ARHGEF9: variants seen among roughly 807,000 people sequenced by gnomAD.
ARHGEF9 encodes rho guanine nucleotide exchange factor 9.
Under a neutral mutation model 41.3 loss-of-function variants are expected in ARHGEF9, and 2 were observed. The observed-to-expected ratio is 0.05, with a 90% CI of 0.02 to 0.15. The LOEUF (loss-of-function observed/expected upper bound fraction) is 0.15, where lower values mean the gene tolerates loss of function less well. Among genes scored for constraint, ARHGEF9 ranks in the 10% least tolerant of loss-of-function variants. The pLI is 1.00. For missense variants in ARHGEF9, 225 were observed against 424.7 expected, an observed-to-expected ratio of 0.53 and a Z score of 4.13; for synonymous variants, 160 against 154.4, an observed-to-expected ratio of 1.04 and a Z score of -0.27.
intron 1 of ARHGEF9, among the ~76,000 whole-genome samples, chrX:63,730,854 C>A (rs140426951): frequency 0.037 from 4,087 of 111,679 alleles, 70 homozygotes; most frequent in Non-Finnish European, 0.061. Flanking sequence ...GCAGCATGCC[C>A]AATGTCAGGC....
intron 1 of ARHGEF9, among the ~76,000 whole-genome samples, chrX:63,782,036 G>T (rs1489584987): frequency 2.7e-5 from 3 of 111,601 alleles, no homozygotes; most frequent in African/African-American, 9.8e-5. Flanking sequence ...AACTTCCCAT[G>T]TGTCTCTATG....
intron 3 of ARHGEF9, among the ~76,000 whole-genome samples, chrX:63,705,902 T>G (rs1317184835): frequency 1.8e-5 from 2 of 111,496 alleles, no homozygotes; most frequent in Non-Finnish European, 3.8e-5. Context: ...TTTGCTTTAA[T>G]GAGTGAGGTT....
chrX:63,719,796 C>T, intron 2 of ARHGEF9: 1 of 296,231 alleles, frequency 3.4e-6, no homozygotes, highest in Middle Eastern at 8.8e-4. Context: ...ACCTTTTTGG[C>T]ACTGAGGGAC....
intron 5 of ARHGEF9, among the ~76,000 whole-genome samples, chrX:63,675,746 G>A (rs186122839): frequency 2.7e-5 from 3 of 111,713 alleles, no homozygotes; most frequent in East Asian, 2.8e-4. Context: ...GATAGCAGAC[G>A]TGTTGAGAGT....
At position 63,697,018 on chromosome X, in the gene ARHGEF9, T is replaced by C. The variant is rs3747335; in HGVS notation, c.582+107A>G. On this transcript the variant is annotated intron_variant, in intron 4 of 9. Coordinates refer to ENST00000671741, the MANE Select transcript of ARHGEF9 (RefSeq NM_001353921.2). ...AAATGAAGGCCCAAGAGGAACCCAT[T>C]CCCCACTGCAGGAAAAAGGAGCTGA... 13,222 of 864,421 alleles carry C rather than the reference T, an allele frequency of 0.015. 248 individuals are homozygous for C. Among genetic ancestry groups the C allele is most frequent in the African/African-American group, 0.099 (4,780 of 48,370 alleles). 71.2% of individuals were successfully genotyped at this position (864,421 alleles called of 1,213,427 possible).
rs557573616 is a variant in ARHGEF9, at chrX:63,733,084, G to C, written c.31-8373C>G. On this transcript the variant is annotated intron_variant, in intron 1 of 9. Coordinates refer to ENST00000671741, the MANE Select transcript of ARHGEF9 (RefSeq NM_001353921.2). ...GAGTGTTATTCTTCAAATAACCAGA[G>C]TATATACTTCTGAATGATAGGTCTA... Among the ~76,000 whole-genome samples the C allele has an allele frequency of 3.5e-4, 39 of 112,123 alleles. 1 individual carries two copies. The South Asian group carries it at 0.014, about 40-fold the overall frequency.
At chrX:63,664,527 C>T (rs1288982854) in intron 7 of ARHGEF9, among the ~76,000 whole-genome samples, 31 of 112,361 alleles carry the variant, frequency 2.8e-4, no homozygotes, top group Non-Finnish European at 5.6e-4. Flanking sequence ...GGTGACATGG[C>T]TGATATGCTG....
In ARHGEF9 at chrX:63,635,046, AT is replaced by A; in HGVS notation, c.*2981del. The A allele has an allele frequency of 3.5e-6, 1 of 283,475 alleles. No individual in the cohort carries two copies. The highest frequency in any genetic ancestry group is 6.1e-6 in the Non-Finnish European group (1 of 164,136). 23.4% of individuals were successfully genotyped at this position (283,475 alleles called of 1,213,427 possible). ...CATTACAACATTTTTTTTGTTAAACATTTTTTAACACACAACTTTGACACTT... is the reference window on the plus strand; with the variant it reads ...CATTACAACATTTTTTTTGTTAAACATTTTTAACACACAACTTTGACACTT... On this transcript the variant is annotated 3_prime_UTR_variant, in exon 10 of 10. Coordinates refer to ENST00000671741, the MANE Select transcript of ARHGEF9 (RefSeq NM_001353921.2).
Position 63,635,689 on chromosome X carries a change from C to T in ARHGEF9, c.*2339G>A, listed in dbSNP as rs1771680632. 1 of 264,290 alleles carries T rather than the reference C, an allele frequency of 3.8e-6. No individual in the cohort carries two copies. Among genetic ancestry groups the T allele is most frequent in the Admixed American group, 7.4e-5 (1 of 13,604 alleles). The allele number at this position is 264,290 out of a possible 1,213,427, so 21.8% of individuals were successfully genotyped here. ...ATATCCCTGATCCTGGAGCCCTGGG[C>T]AGAAGCCCCAAGGAGGGAGGAAATG... On this transcript the variant is annotated 3_prime_UTR_variant, in exon 10 of 10. Coordinates refer to ENST00000671741, the MANE Select transcript of ARHGEF9 (RefSeq NM_001353921.2).
intron 1 of ARHGEF9, among the ~76,000 whole-genome samples, chrX:63,781,542 G>A (rs1250418159): frequency 8.1e-5 from 9 of 111,665 alleles, no homozygotes; most frequent in African/African-American, 2.9e-4. Context: ...GTCCGAGCAG[G>A]TGATCAGAAA....
intron 5 of ARHGEF9, among the ~76,000 whole-genome samples, chrX:63,678,125 T>C (rs1455878363): frequency 1.8e-5 from 2 of 111,714 alleles, no homozygotes; most frequent in African/African-American, 3.3e-5. Flanking sequence ...AACCCAAATA[T>C]AGTGGCAAAG....
chrX:63,759,225 G>C (rs1273721408), intron 1 of ARHGEF9, among the ~76,000 whole-genome samples: 1 of 111,291 alleles, frequency 9.0e-6, no homozygotes, highest in East Asian at 2.8e-4. Context: ...GTCCATGTGT[G>C]GGTAGCTTTC....
intron 1 of ARHGEF9, among the ~76,000 whole-genome samples, chrX:63,783,343 C>T (rs1317159243): frequency 9.4e-6 from 1 of 106,225 alleles, no homozygotes; most frequent in African/African-American, 3.5e-5. Flanking sequence ...GGCACAATCT[C>T]GGCTCACCGC....
intron 7 of ARHGEF9, among the ~76,000 whole-genome samples, chrX:63,658,951 G>A (rs1317270209): frequency 1.8e-5 from 2 of 111,490 alleles, no homozygotes; most frequent in Non-Finnish European, 3.8e-5. Flanking sequence ...CTTAGCCTTC[G>A]AGGTCAAACT....
intron 7 of ARHGEF9, among the ~76,000 whole-genome samples, chrX:63,660,573 C>G (rs1334482827): frequency 1.8e-5 from 2 of 111,991 alleles, no homozygotes; most frequent in African/African-American, 6.5e-5. Context: ...AGAAATTTTT[C>G]CAGGAATAAA....
intron 8 of ARHGEF9, among the ~76,000 whole-genome samples, chrX:63,652,664 A>G (rs2048623298): frequency 9.0e-6 from 1 of 111,234 alleles, no homozygotes; most frequent in Non-Finnish European, 1.9e-5. Context: ...TGCCCATTCG[A>G]CTAGACTGTA....
rs567758881 is a variant in ARHGEF9, at chrX:63,694,677, T to C, written c.582+2448A>G. 8.9e-5 allele frequency among the ~76,000 whole-genome samples: 10 copies of C among 112,300 alleles called. 1 individual carries two copies. The highest frequency in any genetic ancestry group is 4.6e-3 in the Middle Eastern group (1 of 217). ...ATTTCAAATAAAAAGGAGATCAATG[T>C]TTGCCAGTAGCCAGGAGTAGGGGCA... On this transcript the variant is annotated intron_variant, in intron 4 of 9. Coordinates refer to ENST00000671741, the MANE Select transcript of ARHGEF9 (RefSeq NM_001353921.2).
intron 4 of ARHGEF9, among the ~76,000 whole-genome samples, chrX:63,688,456 G>A (rs1310722735): frequency 3.6e-5 from 4 of 112,293 alleles, no homozygotes; most frequent in Non-Finnish European, 5.6e-5. Flanking sequence ...AACGTATATA[G>A]ACAAATTCAG....
intron 1 of ARHGEF9, among the ~76,000 whole-genome samples, chrX:63,772,575 G>A (rs2056222940): frequency 1.8e-5 from 2 of 111,708 alleles, no homozygotes; most frequent in African/African-American, 6.5e-5. Flanking sequence ...GCATTACTGA[G>A]GCACAGAAAG....
Sources: allele counts gnomAD v4.1 joint callset (sites outside exome capture counted in the v4.1 genomes callset), GRCh38; gene constraint gnomAD v4.1.1; transcripts MANE v1.5; gene names NCBI Gene and HGNC (gene_info 2026-07-23, HGNC 2026-07-21).